The following TEX22 variants were observed in gnomAD, a reference collection of about 807,000 sequenced individuals.
TEX22 encodes testis expressed 22.
A neutral mutation model predicts 11.3 loss-of-function variants in TEX22; 16 were observed. The observed-to-expected ratio is 1.42, with a 90% CI of 0.96 to 2.15. The LOEUF is 2.15. TEX22 is among the 30% of genes most tolerant of loss of function. The pLI is 0.00. For missense variants in TEX22, 220 were observed against 208.6 expected (o/e 1.05, Z -0.34); for synonymous variants, 97 against 92.3 (o/e 1.05, Z -0.29).
intron 2 of TEX22, among the ~76,000 whole-genome samples, chr14:105,402,277 A>G (rs921974292): frequency 6.6e-6 from 1 of 152,246 alleles, no homozygotes; most frequent in Non-Finnish European, 1.5e-5. Flanking sequence ...GACAATCACT[A>G]TTTGCATCTA....
At chr14:105,399,276 C>T in intron 1 of TEX22, 26 bp from the exon 2 acceptor site, 1 of 1,256,900 alleles carries the variant, frequency 8.0e-7, no homozygotes, top group Non-Finnish European at 1.1e-6. Context: ...GGGCCCCGCC[C>T]CACCTCCCCC....
chr14:105,407,531 C>A (rs2081664631), intron 2 of TEX22, among the ~76,000 whole-genome samples: 1 of 151,980 alleles, frequency 6.6e-6, no homozygotes, highest in Non-Finnish European at 1.5e-5. Context: ...CGTCACCATG[C>A]CCAGCTAATT....
intron 2 of TEX22, among the ~76,000 whole-genome samples, chr14:105,408,682 C>A (rs1595222119): frequency 6.6e-6 from 1 of 152,192 alleles, no homozygotes; most frequent in East Asian, 1.9e-4. Flanking sequence ...CCTCGGCCTC[C>A]CAAAATGCTG....
chr14:105,398,930 C>T (rs1368616098), intron 1 of TEX22, among the ~76,000 whole-genome samples: 2 of 152,248 alleles, frequency 1.3e-5, no homozygotes, highest in Non-Finnish European at 2.9e-5. Context: ...TTTCCTTCGC[C>T]CCGGGCGTAG....
At chr14:105,411,582 C>T in intron 3 of TEX22, 78 bp from the exon 4 acceptor site, 3 of 1,312,664 alleles carry the variant, frequency 2.3e-6, no homozygotes, top group African/African-American at 1.6e-5. Flanking sequence ...CCCACTGGGC[C>T]CTTTACCCCG....
At position 105,402,570 on chromosome 14, in the gene TEX22, CG is replaced by C. The variant is rs1218625206; in HGVS notation, c.150+3082del. ...GAGATCAAGACCATCCTGGCTAACACGGTGAAACCCCGTCTCTACTAAAAAA... is the reference window on the plus strand; with the variant it reads ...GAGATCAAGACCATCCTGGCTAACACGTGAAACCCCGTCTCTACTAAAAAA... On this transcript the variant is annotated intron_variant, in intron 2 of 3. Coordinates refer to ENST00000451127, the MANE Select transcript of TEX22 (RefSeq NM_001195082.2). Among the ~76,000 whole-genome samples the C allele has an allele frequency of 1.1e-4, 17 of 151,408 alleles. 1 individual carries two copies. Among genetic ancestry groups the C allele is most frequent in the Admixed American group, 1.1e-3 (16 of 15,220 alleles).
At chr14:105,404,333 G>A (rs1035249629) in intron 2 of TEX22, among the ~76,000 whole-genome samples, 1 of 152,168 alleles carries the variant, frequency 6.6e-6, no homozygotes, top group Non-Finnish European at 1.5e-5. Flanking sequence ...TGAGCTGAAA[G>A]CTGCAATGAC....
intron 2 of TEX22, among the ~76,000 whole-genome samples, chr14:105,402,590 T>C (rs1447099037): frequency 5.9e-5 from 9 of 151,284 alleles, no homozygotes; most frequent in Non-Finnish European, 1.3e-4. Flanking sequence ...CCGTCTCTAC[T>C]AAAAAATACA....
At chr14:105,408,972 C>G (rs2081673941) in intron 2 of TEX22, among the ~76,000 whole-genome samples, 1 of 146,658 alleles carries the variant, frequency 6.8e-6, no homozygotes, top group Non-Finnish European at 1.5e-5. Flanking sequence ...CCTCCTGCTC[C>G]TCCTCCTCCT....
At chr14:105,400,254 G>A (rs587770880) in intron 2 of TEX22, among the ~76,000 whole-genome samples, 1 of 152,356 alleles carries the variant, frequency 6.6e-6, no homozygotes, top group African/African-American at 2.4e-5. Context: ...ACACAGGCGT[G>A]TCTGCGTGTG....
intron 2 of TEX22, among the ~76,000 whole-genome samples, chr14:105,400,715 G>C (rs1555418255): frequency 6.6e-6 from 1 of 152,194 alleles, no homozygotes; most frequent in African/African-American, 2.4e-5. Context: ...AGAAGAGTGG[G>C]CTGAAGGCCT....
At chr14:105,402,684 A>G (rs1595218854) in intron 2 of TEX22, among the ~76,000 whole-genome samples, 1 of 145,690 alleles carries the variant, frequency 6.9e-6, no homozygotes, top group Admixed American at 7.1e-5. Context: ...TGAACCCGGG[A>G]GGCGGAGCTT....
rs1566982936 is a variant in TEX22, at chr14:105,399,476, C to T, written c.136C>T (p.Gln46Ter). 4 of 1,534,942 alleles carry T rather than the reference C, an allele frequency of 2.6e-6. No individual in the cohort carries two copies. Among genetic ancestry groups the T allele is most frequent in the Non-Finnish European group, 3.5e-6 (4 of 1,146,324 alleles). ...SIQSSVQQGL[Q>*]TQDWVCEPPE... Reference sequence around the variant, plus strand: ...CCAGAGCAGCGTTCAGCAGGGACTGCAGACTCAGGACTGGGTAAGCGGAAG... The same window carrying T: ...CCAGAGCAGCGTTCAGCAGGGACTGTAGACTCAGGACTGGGTAAGCGGAAG... The change falls in exon 2 of 4, where the codon CAG becomes TAG. Residue 46 changes from glutamine to a stop codon, truncating the protein, a stop_gained. Coordinates refer to ENST00000451127, the MANE Select transcript of TEX22 (RefSeq NM_001195082.2). LOFTEE classifies it high-confidence loss of function.
chr14:105,409,477 A>C (rs1215188572), intron 2 of TEX22, among the ~76,000 whole-genome samples: 1 of 150,750 alleles, frequency 6.6e-6, no homozygotes, highest in Admixed American at 6.6e-5. Flanking sequence ...GTGGTGCCCT[A>C]GACTATTAAG....
At chr14:105,403,945 GC>G (rs2081645776) in intron 2 of TEX22, among the ~76,000 whole-genome samples, 1 of 152,206 alleles carries the variant, frequency 6.6e-6, no homozygotes, top group East Asian at 1.9e-4. Flanking sequence ...ACAGGCATGA[GC>G]CACCATACCC....
At chr14:105,411,054 C>T (rs1228571087) in intron 2 of TEX22, among the ~76,000 whole-genome samples, 17 of 152,240 alleles carry the variant, frequency 1.1e-4, no homozygotes, top group Admixed American at 9.8e-4. Context: ...GCTCGAGCTC[C>T]GGGGGTTCTC....
Position 105,399,331 on chromosome 14 carries a change from A to ACT in TEX22, c.-10_-9insCT. The stretch of plus-strand genomic sequence containing the variant: ...CAGAGGTGTGGACAAGCAGCCTACT[A>ACT]GGGCTAGAGATGGACAGCAGGAAAC... On this transcript the variant is annotated 5_prime_UTR_variant, in exon 2 of 4. Coordinates refer to ENST00000451127, the MANE Select transcript of TEX22 (RefSeq NM_001195082.2). 1 of 1,533,894 alleles carries ACT rather than the reference A, an allele frequency of 6.5e-7. No individual in the cohort carries two copies. Among genetic ancestry groups the ACT allele is most frequent in the Non-Finnish European group, 8.7e-7 (1 of 1,146,056 alleles).
Position 105,411,873 on chromosome 14 carries a change from C to T in TEX22, c.*40C>T. 3 of 1,377,220 alleles carry T rather than the reference C, an allele frequency of 2.2e-6. No individual in the cohort carries two copies. The highest frequency in any genetic ancestry group is 3.0e-5 in the African/African-American group (2 of 65,858). 85.3% of individuals were successfully genotyped at this position (1,377,220 alleles called of 1,614,324 possible). ...CCATTGTCTGTCTTCCAGTGCCTTT[C>T]CTTGGGGGCCCACGGTGGGGGCAGC... is the stretch of plus-strand genomic sequence containing the variant. On this transcript the variant is annotated 3_prime_UTR_variant, in exon 4 of 4. Coordinates refer to ENST00000451127, the MANE Select transcript of TEX22 (RefSeq NM_001195082.2).
chr14:105,403,083 C>T (rs148769001), intron 2 of TEX22, among the ~76,000 whole-genome samples: 2 of 152,276 alleles, frequency 1.3e-5, no homozygotes, highest in African/African-American at 2.4e-5. Flanking sequence ...CAGAGCAGGG[C>T]ATCCTCAACA....
Sources: allele counts gnomAD v4.1 joint callset (sites outside exome capture counted in the v4.1 genomes callset), GRCh38; gene constraint gnomAD v4.1.1; transcripts MANE v1.5; gene names NCBI Gene and HGNC (gene_info 2026-07-23, HGNC 2026-07-21).